The following CNTN5 variants were observed in gnomAD, a reference collection of about 807,000 sequenced individuals.
CNTN5 encodes the protein contactin-5.
In CNTN5, 77 loss-of-function variants were observed where a neutral mutation model predicts 129.1. That is an observed-to-expected ratio of 0.60 (90% CI 0.50 to 0.72). The LOEUF is 0.72. Ranked by LOEUF, CNTN5 falls within the 30% of genes least tolerant of loss-of-function variation. CNTN5 has a pLI of 0.00. For synonymous variants in CNTN5, 509 were observed against 465.6 expected (o/e 1.09, Z -1.20); for missense variants, 1,478 against 1,328.8 (o/e 1.11, Z -1.75).
chr11:99,022,765 A>C (rs1314954055), intron 1 of CNTN5, among the ~76,000 whole-genome samples: 1 of 152,184 alleles, frequency 6.6e-6, no homozygotes, highest in Non-Finnish European at 1.5e-5. Context: ...CTGGAGTGTG[A>C]GGGAATGATA....
At chr11:100,115,115 TAAAAAA>T (rs11388029) in intron 13 of CNTN5, among the ~76,000 whole-genome samples, 23 of 78,406 alleles carry the variant, frequency 2.9e-4, no homozygotes, top group South Asian at 1.4e-3. Context: ...AGGTATACAG[TAAAAAA>T]AAAAAAAAAA....
chr11:100,117,887 A>G (rs371709367), intron 13 of CNTN5, among the ~76,000 whole-genome samples: 19 of 152,020 alleles, frequency 1.2e-4, no homozygotes, highest in African/African-American at 4.3e-4. Context: ...TTAATGTATA[A>G]TGTATCTTGG....
chr11:99,799,302 G>C (rs1946043116), intron 3 of CNTN5, among the ~76,000 whole-genome samples: 1 of 151,538 alleles, frequency 6.6e-6, no homozygotes, highest in Admixed American at 6.6e-5. Flanking sequence ...GGAGTGGTGA[G>C]AATGGCGCAT....
At chr11:100,198,072 C>G (rs1948692201) in intron 15 of CNTN5, among the ~76,000 whole-genome samples, 1 of 151,926 alleles carries the variant, frequency 6.6e-6, no homozygotes. Context: ...TTTTAAACTA[C>G]ACATTTGTTC....
chr11:99,427,583 G>T (rs144024341), intron 2 of CNTN5, among the ~76,000 whole-genome samples: 1 of 151,570 alleles, frequency 6.6e-6, no homozygotes, highest in East Asian at 1.9e-4. Flanking sequence ...TGGCTAACAC[G>T]GTAAAACCCT....
At chr11:99,259,785 CT>C (rs1862545652) in intron 1 of CNTN5, among the ~76,000 whole-genome samples, 1 of 151,776 alleles carries the variant, frequency 6.6e-6, no homozygotes, top group Non-Finnish European at 1.5e-5. Flanking sequence ...CTCTGCACTT[CT>C]GAAAACAGTC....
Position 99,048,413 on chromosome 11 carries a change from C to G in CNTN5, c.-210+27143C>G, listed in dbSNP as rs192598792. On this transcript the variant is annotated intron_variant, in intron 1 of 24. Transcript: ENST00000524871. ...CAACCTTAAGGGAAAAAATCAATATCCAAATGATTCATTTTCCCCCAGTAT... is the reference window on the plus strand; with the variant it reads ...CAACCTTAAGGGAAAAAATCAATATGCAAATGATTCATTTTCCCCCAGTAT... Among the ~76,000 whole-genome samples the G allele has an allele frequency of 2.5e-3, 386 of 152,170 alleles. 1 individual carries two copies. The highest frequency in any genetic ancestry group is 8.9e-3 in the African/African-American group (370 of 41,534).
intron 3 of CNTN5, among the ~76,000 whole-genome samples, chr11:99,689,702 A>G (rs866162648): frequency 6.6e-6 from 1 of 151,594 alleles, no homozygotes; most frequent in East Asian, 2.0e-4. Flanking sequence ...TTTTTTTCAT[A>G]TATTTCCTGG....
chr11:100,062,759 G>C (rs1322157981), intron 10 of CNTN5, among the ~76,000 whole-genome samples: 3 of 152,206 alleles, frequency 2.0e-5, no homozygotes, highest in African/African-American at 7.2e-5. Flanking sequence ...TGAAATATTA[G>C]TAGTGGTTTG....
intron 6 of CNTN5, among the ~76,000 whole-genome samples, chr11:99,887,507 T>G (rs1948930829): frequency 6.6e-6 from 1 of 152,204 alleles, no homozygotes; most frequent in Non-Finnish European, 1.5e-5. Context: ...GATAGATGTA[T>G]ATATGAAGGG....
chr11:99,731,498 TA>T (rs1252495572), intron 3 of CNTN5, among the ~76,000 whole-genome samples: 13 of 152,328 alleles, frequency 8.5e-5, no homozygotes, highest in South Asian at 6.2e-4. Flanking sequence ...AAAATGCAAA[TA>T]CTTTACCCTT....
intron 2 of CNTN5, among the ~76,000 whole-genome samples, chr11:99,449,534 T>A (rs1483904370): frequency 6.6e-6 from 1 of 152,244 alleles, no homozygotes; most frequent in Non-Finnish European, 1.5e-5. Flanking sequence ...AGTTAGCCTT[T>A]CCTAAATAAG....
chr11:99,373,161 A>C (rs1214389475), intron 2 of CNTN5, among the ~76,000 whole-genome samples: 1 of 152,154 alleles, frequency 6.6e-6, no homozygotes, highest in African/African-American at 2.4e-5. Context: ...GTGAGCCGAG[A>C]TCGCACCATT....
At chr11:99,176,112 T>C (rs1857759324) in intron 1 of CNTN5, among the ~76,000 whole-genome samples, 1 of 152,222 alleles carries the variant, frequency 6.6e-6, no homozygotes, top group African/African-American at 2.4e-5. Context: ...TACTTAGTCC[T>C]CATGTTCTTA....
At chr11:99,815,668 G>A (rs995137962) in intron 3 of CNTN5, among the ~76,000 whole-genome samples, 18 of 152,142 alleles carry the variant, frequency 1.2e-4, no homozygotes, top group African/African-American at 4.3e-4. Context: ...GTGTGGAGCA[G>A]GCAGGAAGCT....
rs1250799430 is a variant in CNTN5 at position 100,153,319 on chromosome 11, A to G, written c.1581-37807A>G. ...TGTTGAATTTTTTTACGATTTCAGT[A>G]AAGTTATATTCTTGGAGTACAAGTA... On this transcript the variant is annotated intron_variant, in intron 13 of 24. Transcript: ENST00000524871. Among the ~76,000 whole-genome samples, 8 of 152,238 alleles carry G rather than the reference A, an allele frequency of 5.3e-5. No homozygotes were observed. The East Asian group carries it at 1.5e-3, about 29-fold the overall frequency.
chr11:99,426,847 G>T (rs1943142661), intron 2 of CNTN5, among the ~76,000 whole-genome samples: 1 of 152,114 alleles, frequency 6.6e-6, no homozygotes, highest in Non-Finnish European at 1.5e-5. Flanking sequence ...GATTTAGAAG[G>T]AGTTGGTGTC....
At chr11:99,528,775 T>C (rs1290856304) in intron 2 of CNTN5, among the ~76,000 whole-genome samples, 1 of 152,124 alleles carries the variant, frequency 6.6e-6, no homozygotes, top group Non-Finnish European at 1.5e-5. Context: ...CAGGTGCCTA[T>C]GGCTCAGGCC....
At chr11:99,981,101 T>C (rs199556628) in intron 8 of CNTN5, among the ~76,000 whole-genome samples, 3 of 61,294 alleles carry the variant, frequency 4.9e-5, no homozygotes, top group Non-Finnish European at 9.5e-5. Flanking sequence ...TATATATATA[T>C]ATACACACAC....
Sources: allele counts gnomAD v4.1 joint callset (sites outside exome capture counted in the v4.1 genomes callset), GRCh38; gene constraint gnomAD v4.1.1; transcripts MANE v1.5; gene names NCBI Gene and HGNC (gene_info 2026-07-23, HGNC 2026-07-21).